The following IGSF11 variants were observed in gnomAD, a reference collection of about 807,000 sequenced individuals.
The protein encoded by IGSF11 is immunoglobulin superfamily member 11, also known as CXADR like 1.
Under a neutral mutation model 41.0 loss-of-function variants are expected in IGSF11, and 22 were observed. The ratio of observed to expected loss-of-function variants is 0.54; its 90% CI spans 0.38 to 0.77. The LOEUF is 0.77. Among genes scored for constraint, IGSF11 ranks in the 30% least tolerant of loss-of-function variants. The probability of loss-of-function intolerance (pLI) is 0.00; values close to 1 mark genes in which losing one functional copy is unlikely to be tolerated. For missense variants in IGSF11, 444 were observed against 530.8 expected, an observed-to-expected ratio of 0.84 and a Z score of 1.61; for synonymous variants, 219 against 201.3, an observed-to-expected ratio of 1.09 and a Z score of -0.74.
intron 5 of IGSF11, among the ~76,000 whole-genome samples, chr3:118,905,242 C>A (rs529051646): frequency 6.6e-6 from 1 of 152,224 alleles, no homozygotes; most frequent in Non-Finnish European, 1.5e-5. Flanking sequence ...ATAACCTAGA[C>A]ACCCCAAAAT....
At chr3:119,039,446 G>A (rs1005015530), upstream of IGSF11, among the ~76,000 whole-genome samples, 15 of 152,202 alleles carry the variant, frequency 9.9e-5, 1 homozygote, top group South Asian at 1.9e-3. Context: ...ATTACACTGG[G>A]CCCACACAGA....
intron 1 of IGSF11, among the ~76,000 whole-genome samples, chr3:118,959,201 T>A (rs763048660): frequency 2.0e-5 from 3 of 151,868 alleles, no homozygotes; most frequent in Non-Finnish European, 2.9e-5. Flanking sequence ...AGACAGAGAG[T>A]CTATTATGAT....
chr3:118,944,358 T>G (rs756582715), intron 1 of IGSF11, among the ~76,000 whole-genome samples: 22 of 151,990 alleles, frequency 1.4e-4, no homozygotes, highest in Admixed American at 1.3e-3. Flanking sequence ...TTCCAGCCAG[T>G]CTTACAGTAC....
intron 1 of IGSF11, among the ~76,000 whole-genome samples, chr3:119,138,645 AC>A (rs2077596501): frequency 6.6e-6 from 1 of 152,304 alleles, no homozygotes; most frequent in South Asian, 2.1e-4. Flanking sequence ...AGATTGTTCC[AC>A]TGCACTACAG....
intron 1 of IGSF11, among the ~76,000 whole-genome samples, chr3:118,992,123 T>C (rs1362901460): frequency 1.3e-5 from 2 of 152,218 alleles, no homozygotes; most frequent in African/African-American, 2.4e-5. Flanking sequence ...CCAGCAAGAA[T>C]AGACAATTAG....
chr3:119,096,291 G>A (rs1353972771), intron 1 of IGSF11, among the ~76,000 whole-genome samples: 1 of 151,766 alleles, frequency 6.6e-6, no homozygotes, highest in Admixed American at 6.6e-5. Context: ...ATGTGGAAGT[G>A]GGAAACATGG....
intron 1 of IGSF11, among the ~76,000 whole-genome samples, chr3:119,041,101 T>C (rs1026727993): frequency 1.3e-5 from 2 of 151,948 alleles, no homozygotes; most frequent in African/African-American, 4.8e-5. Context: ...TTTGATAAAA[T>C]AAAATAGGTC....
intron 1 of IGSF11, among the ~76,000 whole-genome samples, chr3:119,023,757 C>G (rs137891435): frequency 6.6e-6 from 1 of 152,064 alleles, no homozygotes; most frequent in Non-Finnish European, 1.5e-5. Flanking sequence ...CCACTCAAGT[C>G]GAAGAAAAAG....
intron 1 of IGSF11, among the ~76,000 whole-genome samples, chr3:119,085,575 T>A (rs1464606478): frequency 6.6e-6 from 1 of 152,180 alleles, no homozygotes; most frequent in East Asian, 1.9e-4. Flanking sequence ...GGATTCAGAA[T>A]CTGAATGGCA....
rs554488208 is a variant in IGSF11 at position 119,034,539 on chromosome 3, G to T, written c.44C>A (p.Ser15Tyr). Reference sequence around the variant, plus strand: ...GGGCTGGAGCTACTCACCGTGCAGAGAGAGGAGCAGCAAAGGCGCCAGAGG... The same window carrying T: ...GGGCTGGAGCTACTCACCGTGCAGATAGAGGAGCAGCAAAGGCGCCAGAGG... ...RSPLAPLLLL[S>Y]LHGVAASLEV... is the part of the protein sequence containing the mutation. Residue 15 changes from serine (S) to tyrosine (Y), a missense_variant, in exon 1 of 7, where the codon TCT becomes TAT. Coordinates refer to ENST00000393775, the MANE Select transcript of IGSF11 (RefSeq NM_001015887.3). 1 of 1,589,394 alleles carries T rather than the reference G, an allele frequency of 6.3e-7. No homozygotes were observed. Among genetic ancestry groups the T allele is most frequent in the Non-Finnish European group, 8.6e-7 (1 of 1,168,892 alleles).
chr3:119,023,716 A>G (rs1939543193), intron 1 of IGSF11, among the ~76,000 whole-genome samples: 2 of 152,208 alleles, frequency 1.3e-5, no homozygotes, highest in South Asian at 4.1e-4. Context: ...AATACAATGA[A>G]AAGGACTAGG....
At chr3:119,140,682 C>T (rs2077632843) in intron 1 of IGSF11, among the ~76,000 whole-genome samples, 1 of 152,126 alleles carries the variant, frequency 6.6e-6, no homozygotes, top group Non-Finnish European at 1.5e-5. Context: ...TTTAAGTGCA[C>T]ATGAACATTA....
chr3:119,015,114 C>T (rs1938546958), intron 1 of IGSF11, among the ~76,000 whole-genome samples: 1 of 152,118 alleles, frequency 6.6e-6, no homozygotes, highest in Non-Finnish European at 1.5e-5. Context: ...ACAAACATCA[C>T]ATGTAATTGT....
intron 1 of IGSF11, among the ~76,000 whole-genome samples, chr3:119,133,555 T>A (rs182816836): frequency 8.6e-5 from 13 of 151,914 alleles, no homozygotes; most frequent in Admixed American, 2.6e-4. Flanking sequence ...CAATAACAGG[T>A]TCTGAAATTG....
chr3:119,086,483 G>A (rs933662716), intron 1 of IGSF11, among the ~76,000 whole-genome samples: 3 of 150,234 alleles, frequency 2.0e-5, no homozygotes, highest in Non-Finnish European at 4.4e-5. Flanking sequence ...AGTTGGAGGG[G>A]GAGGAAAAAA....
intron 1 of IGSF11, among the ~76,000 whole-genome samples, chr3:118,993,231 A>C (rs533948916): frequency 6.6e-6 from 1 of 152,318 alleles, no homozygotes; most frequent in South Asian, 2.1e-4. Context: ...CCAATGAAGT[A>C]AGTAAATAAG....
chr3:119,085,847 A>G (rs2076661696), intron 1 of IGSF11, among the ~76,000 whole-genome samples: 1 of 152,218 alleles, frequency 6.6e-6, no homozygotes, highest in South Asian at 2.1e-4. Flanking sequence ...GGTTCTTGGC[A>G]TCTTGAAAAA....
chr3:119,033,670 A>AC (rs1940631173), intron 1 of IGSF11, among the ~76,000 whole-genome samples: 1 of 152,184 alleles, frequency 6.6e-6, no homozygotes, highest in African/African-American at 2.4e-5. Context: ...AAATCACTGA[A>AC]CCCGCTTTTT....
intron 1 of IGSF11, among the ~76,000 whole-genome samples, chr3:119,098,322 T>C (rs1476912802): frequency 2.0e-5 from 3 of 152,316 alleles, no homozygotes; most frequent in Non-Finnish European, 4.4e-5. Flanking sequence ...ATAAGTGATA[T>C]AGTGGAAGCA....
Sources: gnomAD v4.1 joint callset for allele counts (sites outside exome capture counted in the v4.1 genomes callset) on GRCh38, gnomAD v4.1.1 for gene constraint, MANE v1.5 for transcripts, NCBI Gene and HGNC (gene_info 2026-07-23, HGNC 2026-07-21) for gene names.